The following ERAP1 variants were observed in gnomAD, a reference collection of about 807,000 sequenced individuals.
The protein encoded by ERAP1 is endoplasmic reticulum aminopeptidase 1.
Under a neutral mutation model 103.7 loss-of-function variants are expected in ERAP1, and 86 were observed. The ratio of observed to expected loss-of-function variants is 0.83; its 90% confidence interval spans 0.70 to 0.99. The LOEUF (loss-of-function observed/expected upper bound fraction) is 0.99, where lower values mean the gene tolerates loss of function less well. ERAP1 is among the 50% of genes least tolerant of loss of function. The pLI is 0.00. For synonymous variants in ERAP1, 398 were observed against 402.4 expected (o/e 0.99, Z 0.13); for missense variants, 1,009 against 1,128.4 (o/e 0.89, Z 1.52).
chr5:96,885,819 G>C, the ERAP1 span, among the ~76,000 whole-genome samples: 1 of 152,190 alleles, frequency 6.6e-6, no homozygotes, highest in Non-Finnish European at 1.5e-5. Context: ...CCATCTCTGA[G>C]ACAAGCTGCC....
chr5:96,913,306 T>C, the ERAP1 span: 3 of 1,611,052 alleles, frequency 1.9e-6, no homozygotes, highest in African/African-American at 1.3e-5. Flanking sequence ...AAATTATTTT[T>C]CTTTCTTCAG....
the ERAP1 span, among the ~76,000 whole-genome samples, chr5:96,872,056 T>C: frequency 6.6e-6 from 1 of 152,198 alleles, no homozygotes; most frequent in African/African-American, 2.4e-5. Flanking sequence ...TAATATAGAC[T>C]CTGTCTCTAT....
chr5:96,762,532 G>A, exon 20 of ERAP1: 2 of 518,390 alleles, frequency 3.9e-6, no homozygotes, highest in South Asian at 3.7e-5. Context: ...TTAGCGAGAT[G>A]GCAGAGATTA....
the ERAP1 span, chr5:96,892,471 C>T: frequency 1.1e-5 from 17 of 1,613,100 alleles, no homozygotes; most frequent in Non-Finnish European, 1.4e-5. Context: ...GCACTCATGA[C>T]ATTATCTCGA....
At chr5:96,924,136 TA>T in the ERAP1 span, among the ~76,000 whole-genome samples, 1 of 152,250 alleles carries the variant, frequency 6.6e-6, no homozygotes, top group Non-Finnish European at 1.5e-5. Context: ...TACACGATGG[TA>T]TATGTCTGTG....
At chr5:96,763,934 C>T (rs1768882969) in intron 19 of ERAP1, among the ~76,000 whole-genome samples, 1 of 150,582 alleles carries the variant, frequency 6.6e-6, no homozygotes, top group African/African-American at 2.5e-5. Context: ...TTTCAAGCAA[C>T]TGACTTAGCT....
intron 13 of ERAP1, chr5:96,785,076 G>T (rs2082862263): frequency 6.5e-6 from 1 of 152,914 alleles, no homozygotes; most frequent in Non-Finnish European, 1.5e-5. Context: ...CGGGTATGAG[G>T]AGAAAGAGAT....
At chr5:96,798,328 A>AG (rs1279265268) in intron 3 of ERAP1, among the ~76,000 whole-genome samples, 126 of 151,330 alleles carry the variant, frequency 8.3e-4, no homozygotes, top group Non-Finnish European at 7.2e-4. Context: ...CCATCTCAAA[A>AG]AAAAAAAAAA....
Position 96,783,954 on chromosome 5 carries a change from T to C in ERAP1, c.2070A>G (p.Arg690=). 1.2e-6 allele frequency: 2 copies of C among 1,613,838 alleles called. No homozygotes were observed. Among genetic ancestry groups the C allele is most frequent in the Non-Finnish European group, 1.7e-6 (2 of 1,179,836 alleles). ...ATTGAGTTTCCACTTCATTCATATC[T>C]CTTTTCTCCATTAACTTATACATAG... ...LIPMYKLMEK[R]DMNEVETQFK... Residue 690 remains arginine, a synonymous_variant, in exon 14 of 19, where the codon AGA becomes AGG. Coordinates refer to ENST00000443439, the MANE Select transcript of ERAP1 (RefSeq NM_001040458.3).
chr5:96,930,516 T>C, the ERAP1 span, among the ~76,000 whole-genome samples: 1 of 142,594 alleles, frequency 7.0e-6, no homozygotes, highest in Non-Finnish European at 1.5e-5. Flanking sequence ...TCCCTCAGAG[T>C]GTCTGTTTCT....
the ERAP1 span, among the ~76,000 whole-genome samples, chr5:96,888,776 C>T: frequency 6.6e-5 from 10 of 152,258 alleles, no homozygotes; most frequent in African/African-American, 2.4e-4. Flanking sequence ...TTCATGGCTT[C>T]CCACATAGGT....
chr5:96,786,681 C>T, intron 11 of ERAP1, 132 bp from the exon 12 acceptor site: 1 of 654,792 alleles, frequency 1.5e-6, no homozygotes, highest in Non-Finnish European at 2.8e-6. Flanking sequence ...GCCAAGCTCT[C>T]AAAACATCCC....
At position 96,763,230 on chromosome 5, in the gene ERAP1, T is replaced by G. The variant is rs1337550179; in HGVS notation, c.2819-2A>C. 2 of 780,634 alleles carry G rather than the reference T, an allele frequency of 2.6e-6. No homozygotes were observed. 48.4% of individuals were successfully genotyped at this position (780,634 alleles called of 1,614,324 possible). ...CTGTTGCGTCAGCTTCAGGATCATC[T>G]GAAAATATCCAGAGGCACAAATGAC... is the stretch of plus-strand genomic sequence containing the variant. On this transcript the variant is annotated splice_acceptor_variant, in intron 19 of 19. Transcript: ENST00000296754. LOFTEE classifies it high-confidence loss of function.
At chr5:96,896,518 G>T in the ERAP1 span, 9 of 1,610,930 alleles carry the variant, frequency 5.6e-6, no homozygotes, top group Non-Finnish European at 6.8e-6. Context: ...GTAAATATCA[G>T]GTGCAGGTGG....
the ERAP1 span, among the ~76,000 whole-genome samples, chr5:96,856,911 T>A: frequency 4.7e-4 from 71 of 152,312 alleles, no homozygotes; most frequent in Non-Finnish European, 8.7e-4. Flanking sequence ...CACCCACTTA[T>A]CCCCTTCTTC....
chr5:96,868,087 A>C, the ERAP1 span, among the ~76,000 whole-genome samples: 1 of 151,102 alleles, frequency 6.6e-6, no homozygotes, highest in East Asian at 1.9e-4. Flanking sequence ...AAAAAAAGAA[A>C]AACAAACAAA....
At chr5:96,815,571 C>T in the ERAP1 span, among the ~76,000 whole-genome samples, 1 of 151,974 alleles carries the variant, frequency 6.6e-6, no homozygotes, top group Non-Finnish European at 1.5e-5. Context: ...GCCACCACAT[C>T]CGGCTAATTT....
the ERAP1 span, among the ~76,000 whole-genome samples, chr5:96,858,246 G>A: frequency 1.3e-3 from 177 of 137,022 alleles, 2 homozygotes; most frequent in South Asian, 0.022. Flanking sequence ...ATGGAGTTTC[G>A]CTCTGTTGCC....
the ERAP1 span, chr5:96,889,139 C>A: frequency 6.2e-7 from 1 of 1,608,338 alleles, no homozygotes; most frequent in African/African-American, 1.3e-5. Context: ...TGGAATTATG[C>A]CAGGGAGCTG....
Sources: allele counts gnomAD v4.1 joint callset (sites outside exome capture counted in the v4.1 genomes callset), GRCh38; gene constraint gnomAD v4.1.1; transcripts MANE v1.5; gene names NCBI Gene and HGNC (gene_info 2026-07-23, HGNC 2026-07-21).